The following KIRREL3 variants were observed in gnomAD, a reference collection of about 807,000 sequenced individuals.
KIRREL3 encodes the protein kin of IRRE-like protein 3.
A neutral mutation model predicts 89.7 loss-of-function variants in KIRREL3; 36 were observed. That is an observed-to-expected ratio of 0.40 (90% confidence interval 0.31 to 0.53). KIRREL3 has a LOEUF of 0.53. Ranked by LOEUF, KIRREL3 falls within the 20% of genes least tolerant of loss-of-function variation. The pLI, the probability that KIRREL3 is intolerant of heterozygous loss-of-function variation, is 0.49. For missense variants in KIRREL3, 864 were observed against 1,056.6 expected, an observed-to-expected ratio of 0.82 and a Z score of 2.53; for synonymous variants, 445 against 441.4, an observed-to-expected ratio of 1.01 and a Z score of -0.10.
chr11:127,000,961 A>G (rs1950301582), upstream of KIRREL3: 2 of 302,548 alleles, frequency 6.6e-6, no homozygotes, highest in East Asian at 5.4e-5. This position sits in a 1 kb window ranked among gnomAD's most constrained non-coding sequence, Gnocchi z 7.1. Context: ...ACAGTGGGGG[A>G]AAAGGCTGTG....
chr11:126,514,984 A>G (rs573242373), intron 4 of KIRREL3, among the ~76,000 whole-genome samples: 2 of 152,334 alleles, frequency 1.3e-5, no homozygotes, highest in Non-Finnish European at 2.9e-5. Context: ...TTCAATTGCC[A>G]TGAGGAACAT....
intron 1 of KIRREL3, among the ~76,000 whole-genome samples, chr11:126,695,147 CG>C (rs1555177163): frequency 6.6e-6 from 1 of 152,124 alleles, no homozygotes; most frequent in Non-Finnish European, 1.5e-5. Flanking sequence ...CCCACAAAGC[CG>C]AAAGTATTTA....
In KIRREL3 at chr11:126,652,693, C is replaced by T. The variant is rs1944953022; in HGVS notation, c.56-89781G>A. ...ACAGTCTCCCAAACATCAATGCTGT[C>T]ATTACAACCCCATCACCTACCCTTA... On this transcript the variant is annotated intron_variant, in intron 1 of 16. Transcript: ENST00000525144. The surrounding 1 kb of genome is among the most constrained non-coding windows in gnomAD (Gnocchi z 4.9). 6.6e-6 allele frequency among the ~76,000 whole-genome samples: 1 copy of T among 152,128 alleles called. No individual in the cohort carries two copies. The highest frequency in any genetic ancestry group is 6.5e-5 in the Admixed American group (1 of 15,274).
intron 1 of KIRREL3, among the ~76,000 whole-genome samples, chr11:126,919,706 ACC>A (rs1947191682): frequency 6.6e-6 from 1 of 152,042 alleles, no homozygotes; most frequent in African/African-American, 2.4e-5. Context: ...TGGGAGAGAA[ACC>A]CTTTCCCTGA....
chr11:126,435,582 G>T (rs1022628232), intron 12 of KIRREL3, among the ~76,000 whole-genome samples: 2 of 152,104 alleles, frequency 1.3e-5, no homozygotes, highest in East Asian at 1.9e-4. Context: ...GGGGATGGGG[G>T]CACCAAGGGG....
intron 1 of KIRREL3, among the ~76,000 whole-genome samples, chr11:126,741,132 T>C (rs1948969034): frequency 6.6e-6 from 1 of 152,200 alleles, no homozygotes; most frequent in Non-Finnish European, 1.5e-5. Flanking sequence ...TCTCCTTTCC[T>C]ATGCAGAGGG....
intron 1 of KIRREL3, among the ~76,000 whole-genome samples, chr11:126,836,677 C>A (rs1231030931): frequency 6.6e-6 from 1 of 152,146 alleles, no homozygotes; most frequent in Non-Finnish European, 1.5e-5. Context: ...TTTTCCTTAA[C>A]TCCTCATTGC....
chr11:126,557,832 T>A lies in KIRREL3; in HGVS notation c.133+5003A>T, dbSNP rs548236915. Among the ~76,000 whole-genome samples the A allele has an allele frequency of 1.1e-4, 17 of 152,284 alleles. No individual in the cohort carries two copies. The highest frequency in any genetic ancestry group is 4.6e-4 in the Admixed American group (7 of 15,308). On this transcript the variant is annotated intron_variant, in intron 2 of 16. Coordinates refer to ENST00000525144, the MANE Select transcript of KIRREL3 (RefSeq NM_032531.4). This position sits in a 1 kb window ranked among gnomAD's most constrained non-coding sequence, Gnocchi z 5.6. ...GCCTGGACTGGGACCACAGTGCTGTTCGGGAGCTGTGGGCCATGCAAGAGG... is the reference window on the plus strand; with the variant it reads ...GCCTGGACTGGGACCACAGTGCTGTACGGGAGCTGTGGGCCATGCAAGAGG...
At position 126,886,655 on chromosome 11, in the gene KIRREL3, A is replaced by T. The variant is rs551285134; in HGVS notation, c.55+113800T>A. Among the ~76,000 whole-genome samples the T allele has an allele frequency of 2.6e-5, 4 of 152,288 alleles. No individual in the cohort carries two copies. In the South Asian group the frequency reaches 8.3e-4, roughly 32 times the overall value. On this transcript the variant is annotated intron_variant, in intron 1 of 16. Coordinates refer to ENST00000525144, the MANE Select transcript of KIRREL3 (RefSeq NM_032531.4). The stretch of plus-strand genomic sequence containing the variant: ...GGTCCTCTGAAGTTTTCTGTAGTTA[A>T]TTAGAGCATTATTGAACAGTTGGGA...
In KIRREL3 at chr11:126,495,989, C is replaced by T. The variant is rs1423394662; in HGVS notation, c.434-22523G>A. 6.6e-6 allele frequency among the ~76,000 whole-genome samples: 1 copy of T among 152,214 alleles called. No individual in the cohort carries two copies. Among genetic ancestry groups the T allele is most frequent in the Non-Finnish European group, 1.5e-5 (1 of 68,042 alleles). ...CTGCACTGCTACTACCCCAGCGCTC[C>T]AGCCCCTAGCTGTTTGCATCTGCAT... is the stretch of plus-strand genomic sequence containing the variant. On this transcript the variant is annotated intron_variant, in intron 4 of 16. Transcript: ENST00000525144. This position sits in a 1 kb window ranked among gnomAD's most constrained non-coding sequence, Gnocchi z 6.5.
Position 126,642,477 on chromosome 11 carries a change from A to G in KIRREL3, c.56-79565T>C, listed in dbSNP as rs1944508047. On this transcript the variant is annotated intron_variant, in intron 1 of 16. Coordinates refer to ENST00000525144, the MANE Select transcript of KIRREL3 (RefSeq NM_032531.4). This position sits in a 1 kb window ranked among gnomAD's most constrained non-coding sequence, Gnocchi z 4.9. ...CTAGCCCAAGCTAGACTCACTAGAA[A>G]TGTTAACTCTGCCCTGCACTTTCCA... 6.6e-6 allele frequency among the ~76,000 whole-genome samples: 1 copy of G among 152,230 alleles called. No individual in the cohort carries two copies. Among genetic ancestry groups the G allele is most frequent in the South Asian group, 2.1e-4 (1 of 4,826 alleles).
chr11:126,437,749 C>A (rs560601373), intron 11 of KIRREL3, among the ~76,000 whole-genome samples: 6 of 152,282 alleles, frequency 3.9e-5, no homozygotes, highest in Admixed American at 6.5e-5. Flanking sequence ...CACCAAGATG[C>A]ACGCACCATA....
At chr11:126,714,594 G>A (rs931882392) in intron 1 of KIRREL3, among the ~76,000 whole-genome samples, 5 of 152,146 alleles carry the variant, frequency 3.3e-5, no homozygotes, top group African/African-American at 1.2e-4. Flanking sequence ...GGGGCTGGTG[G>A]GGATAAATGC....
At chr11:126,700,414 G>A (rs995730592) in intron 1 of KIRREL3, among the ~76,000 whole-genome samples, 1 of 152,180 alleles carries the variant, frequency 6.6e-6, no homozygotes, top group Non-Finnish European at 1.5e-5. Context: ...TGAAGAACAG[G>A]ACCGGAAAAC....
intron 1 of KIRREL3, among the ~76,000 whole-genome samples, chr11:126,852,528 T>C (rs148858490): frequency 1.6e-4 from 24 of 152,266 alleles, no homozygotes; most frequent in African/African-American, 5.8e-4. Context: ...ATATAGTATC[T>C]GGAGACCGTA....
intron 1 of KIRREL3, among the ~76,000 whole-genome samples, chr11:126,733,083 T>C (rs1565687131): frequency 6.6e-6 from 1 of 152,188 alleles, no homozygotes; most frequent in Admixed American, 6.5e-5. Context: ...GAAGTAAGAG[T>C]GCAACCCTCC....
intron 1 of KIRREL3, among the ~76,000 whole-genome samples, chr11:126,833,370 A>G (rs1482344322): frequency 6.6e-6 from 1 of 152,242 alleles, no homozygotes; most frequent in East Asian, 1.9e-4. Flanking sequence ...CTCTGAGACC[A>G]GTTTGCCCAC....
chr11:126,700,110 C>G (rs1421540586), intron 1 of KIRREL3, among the ~76,000 whole-genome samples: 1 of 151,716 alleles, frequency 6.6e-6, no homozygotes, highest in Non-Finnish European at 1.5e-5. Context: ...AGGAGGATGG[C>G]TTGATTCCAG....
chr11:126,561,305 C>T lies in KIRREL3; in HGVS notation c.133+1530G>A, dbSNP rs1341780861. On this transcript the variant is annotated intron_variant, in intron 2 of 16. Transcript: ENST00000525144. This position sits in a 1 kb window ranked among gnomAD's most constrained non-coding sequence, Gnocchi z 4.5. ...TTCTAACTCATCACACATGTTGGCT[C>T]AGCTTGCATCCCATCCCCTCATCTC... 1.3e-5 allele frequency among the ~76,000 whole-genome samples: 2 copies of T among 152,194 alleles called. No homozygotes were observed. The highest frequency in any genetic ancestry group is 2.9e-5 in the Non-Finnish European group (2 of 68,042).
Sources: gnomAD v4.1 joint callset for allele counts (sites outside exome capture counted in the v4.1 genomes callset) on GRCh38, gnomAD v4.1.1 for gene constraint, Gnocchi (gnomAD v3.1) non-coding constraint, MANE v1.5 for transcripts, NCBI Gene and HGNC (gene_info 2026-07-23, HGNC 2026-07-21) for gene names.